Variants in NDRG3 observed in about 807,000 individuals in gnomAD.
NDRG3 encodes NDRG family member 3.
NDRG3 carries 23 observed loss-of-function variants against 57.2 expected under a neutral mutation model. The observed-to-expected ratio is 0.40, with a 90% CI of 0.29 to 0.57. NDRG3 has a LOEUF of 0.57. NDRG3 is among the 20% of genes least tolerant of loss of function. The pLI, the probability that NDRG3 is intolerant of heterozygous loss-of-function variation, is 0.42. For synonymous variants in NDRG3, 132 were observed against 162.6 expected, an observed-to-expected ratio of 0.81 and a Z score of 1.43; for missense variants, 384 against 457.3, an observed-to-expected ratio of 0.84 and a Z score of 1.46.
intron 3 of NDRG3, among the ~76,000 whole-genome samples, chr20:36,698,640 CA>C (rs1983000443): frequency 6.6e-6 from 1 of 151,300 alleles, no homozygotes; most frequent in South Asian, 2.1e-4. Context: ...CTATACAGTT[CA>C]AACCTGTGTT....
chr20:36,671,305 A>G (rs747617101), intron 9 of NDRG3, 36 bp downstream of exon 9: 2 of 1,564,770 alleles, frequency 1.3e-6, no homozygotes, highest in Non-Finnish European at 1.7e-6. Flanking sequence ...ATGCAAGCCA[A>G]TAAACACAGC....
chr20:36,660,538 ATATTTATTTATTTATT>A (rs200399384), intron 12 of NDRG3, among the ~76,000 whole-genome samples, 154 bp from the exon 13 acceptor site: 2 of 149,942 alleles, frequency 1.3e-5, no homozygotes, highest in Non-Finnish European at 3.0e-5. Context: ...AGTGGGAGAT[ATATTTATTTATTTATT>A]TATTTATTTA....
intron 8 of NDRG3, among the ~76,000 whole-genome samples, chr20:36,679,396 A>G (rs1473084483): frequency 6.6e-6 from 1 of 152,240 alleles, no homozygotes; most frequent in Non-Finnish European, 1.5e-5. Context: ...GACATAAGGA[A>G]TATGCACAGC....
chr20:36,697,958 T>C (rs1982938125), intron 3 of NDRG3, among the ~76,000 whole-genome samples: 1 of 150,814 alleles, frequency 6.6e-6, no homozygotes. Flanking sequence ...GTTTTTTTCT[T>C]TTTTCTTTTT....
In NDRG3 at chr20:36,695,109, A is replaced by G. The variant is rs958209601; in HGVS notation, c.94-6325T>C. Reference sequence around the variant, plus strand: ...ATTTCTTATGCCAGTCTTTACTGCAATCTCTGAACATAAATTGTGAAGATT... The same window carrying G: ...ATTTCTTATGCCAGTCTTTACTGCAGTCTCTGAACATAAATTGTGAAGATT... On this transcript the variant is annotated intron_variant, in intron 3 of 15. Transcript: ENST00000349004. Among the ~76,000 whole-genome samples the G allele has an allele frequency of 3.4e-4, 52 of 152,218 alleles. 1 individual carries two copies. Among genetic ancestry groups the G allele is most frequent in the African/African-American group, 1.3e-3 (52 of 41,460 alleles).
intron 1 of NDRG3, among the ~76,000 whole-genome samples, chr20:36,732,265 A>G (rs1985331084): frequency 6.6e-6 from 1 of 152,248 alleles, no homozygotes; most frequent in Non-Finnish European, 1.5e-5. Flanking sequence ...CAAGTTTTAC[A>G]GCAAAACTCC....
chr20:36,681,495 G>T (rs1981287344), intron 7 of NDRG3, among the ~76,000 whole-genome samples: 1 of 151,620 alleles, frequency 6.6e-6, no homozygotes, highest in African/African-American at 2.4e-5. Flanking sequence ...AATTAGCTGG[G>T]TGTGGTAGTG....
intron 1 of NDRG3, among the ~76,000 whole-genome samples, chr20:36,729,847 T>A (rs1441000053): frequency 6.6e-6 from 1 of 152,108 alleles, no homozygotes; most frequent in East Asian, 1.9e-4. Context: ...CAATCTTCAA[T>A]AGAGATCAGT....
chr20:36,736,547 T>C (rs1293118072), intron 1 of NDRG3, among the ~76,000 whole-genome samples: 1 of 152,194 alleles, frequency 6.6e-6, no homozygotes, highest in South Asian at 2.1e-4. Context: ...ATGACTTGGC[T>C]CTTAAGTTTC....
intron 3 of NDRG3, among the ~76,000 whole-genome samples, chr20:36,693,982 C>T (rs1311366108): frequency 4.6e-5 from 7 of 151,974 alleles, no homozygotes; most frequent in African/African-American, 1.7e-4. Flanking sequence ...AGGTTAAGGA[C>T]CACTGATATA....
intron 12 of NDRG3, among the ~76,000 whole-genome samples, chr20:36,662,631 G>A (rs1274636641): frequency 2.6e-5 from 4 of 152,190 alleles, no homozygotes; most frequent in Non-Finnish European, 5.9e-5. Context: ...AGCAAGAATA[G>A]TTACTGCAGT....
chr20:36,708,772 G>A (rs375502534), intron 2 of NDRG3, among the ~76,000 whole-genome samples: 79 of 152,194 alleles, frequency 5.2e-4, no homozygotes, highest in African/African-American at 1.8e-3. Flanking sequence ...GGTGGCTCAC[G>A]CCTGTAATCC....
intron 1 of NDRG3, among the ~76,000 whole-genome samples, chr20:36,738,603 A>C (rs996857733): frequency 2.0e-5 from 3 of 151,746 alleles, no homozygotes; most frequent in Non-Finnish European, 4.4e-5. Flanking sequence ...TGGGCGGATC[A>C]CTTGAGGTGA....
intron 3 of NDRG3, among the ~76,000 whole-genome samples, chr20:36,693,226 G>A (rs1330705410): frequency 1.2e-4 from 14 of 117,650 alleles, no homozygotes; most frequent in East Asian, 2.6e-4. Flanking sequence ...ATGTATATAC[G>A]TATATATATG....
intron 5 of NDRG3, among the ~76,000 whole-genome samples, chr20:36,686,431 G>T (rs1000737927): frequency 6.6e-6 from 1 of 152,146 alleles, no homozygotes; most frequent in Non-Finnish European, 1.5e-5. Flanking sequence ...TTTAAAGCAG[G>T]GTCTGGAACA....
At chr20:36,686,659 T>G in intron 5 of NDRG3, among the ~76,000 whole-genome samples, 1 of 152,236 alleles carries the variant, frequency 6.6e-6, no homozygotes, top group East Asian at 1.9e-4. Flanking sequence ...GCGAAGCAGA[T>G]GTAGGAGGAA....
chr20:36,656,413 T>C lies in NDRG3; in HGVS notation c.895-2A>G. ...GAAGGCCTCGGTGAGCTTCCCAGGC[T>C]GGGGGGATAAAACAAGAGGGCATTA... On this transcript the variant is annotated splice_acceptor_variant, in intron 14 of 15. Coordinates refer to ENST00000349004, the MANE Select transcript of NDRG3 (RefSeq NM_032013.4). LOFTEE classifies it high-confidence loss of function. The C allele has an allele frequency of 6.2e-7, 1 of 1,614,090 alleles. No homozygotes were observed.
chr20:36,711,920 T>C (rs1041503859), intron 2 of NDRG3, among the ~76,000 whole-genome samples: 10 of 151,892 alleles, frequency 6.6e-5, no homozygotes, highest in African/African-American at 2.2e-4. Context: ...GCTGGGACTA[T>C]AGGCACCCGC....
At chr20:36,742,814 C>CAT (rs1236944524) in intron 1 of NDRG3, among the ~76,000 whole-genome samples, 1 of 152,148 alleles carries the variant, frequency 6.6e-6, no homozygotes, top group African/African-American at 2.4e-5. Flanking sequence ...TATCAGGCGC[C>CAT]ATACATCCAT....
Sources: allele counts gnomAD v4.1 joint callset (sites outside exome capture counted in the v4.1 genomes callset), GRCh38; gene constraint gnomAD v4.1.1; transcripts MANE v1.5; gene names NCBI Gene and HGNC (gene_info 2026-07-23, HGNC 2026-07-21).